RAPGEF6: variants seen among roughly 807,000 people sequenced by gnomAD.
RAPGEF6 encodes PDZ domain containing guanine nucleotide exchange factor (GEF) 2.
A neutral mutation model predicts 171.4 loss-of-function variants in RAPGEF6; 56 were observed. That is an observed-to-expected ratio of 0.33 (90% CI 0.26 to 0.41). The LOEUF (loss-of-function observed/expected upper bound fraction) is 0.41, where lower values mean the gene tolerates loss of function less well. Among genes scored for constraint, RAPGEF6 ranks in the 10% least tolerant of loss-of-function variants. RAPGEF6 has a pLI of 1.00. For missense variants in RAPGEF6, 1,674 were observed against 1,921.4 expected, an observed-to-expected ratio of 0.87 and a Z score of 2.41; for synonymous variants, 692 against 650.1, an observed-to-expected ratio of 1.06 and a Z score of -0.98.
intron 4 of RAPGEF6, among the ~76,000 whole-genome samples, chr5:131,583,374 C>T (rs1035848870): frequency 6.6e-6 from 1 of 152,096 alleles, no homozygotes; most frequent in African/African-American, 2.4e-5. Flanking sequence ...CAATAAGATG[C>T]CAAATTATAA....
chr5:131,582,612 T>C (rs1763030001), intron 4 of RAPGEF6, among the ~76,000 whole-genome samples: 1 of 152,214 alleles, frequency 6.6e-6, no homozygotes. Flanking sequence ...ACATCAAAAT[T>C]AAGTACTTCT....
rs528562379 is a variant in RAPGEF6 at position 131,602,417 on chromosome 5, G to C, written c.197+854C>G. Among the ~76,000 whole-genome samples, 9 of 152,116 alleles carry C rather than the reference G, an allele frequency of 5.9e-5. No homozygotes were observed. The East Asian group carries it at 1.7e-3, about 29-fold the overall frequency. On this transcript the variant is annotated intron_variant, in intron 3 of 27. Transcript: ENST00000509018. The stretch of plus-strand genomic sequence containing the variant: ...TCCTCAACAGGAGTAAGCAATAAGG[G>C]CACAAAAATAACAGAATGTTAATAG...
chr5:131,623,589 G>C (rs1291069645), intron 1 of RAPGEF6, among the ~76,000 whole-genome samples: 1 of 149,932 alleles, frequency 6.7e-6, no homozygotes, highest in African/African-American at 2.5e-5. Context: ...GGGTTCAAGC[G>C]ACTCTTCTGC....
intron 13 of RAPGEF6, 39 bp from the exon 14 acceptor site, chr5:131,492,824 T>C (rs757247445): frequency 2.6e-6 from 4 of 1,549,520 alleles, no homozygotes; most frequent in Non-Finnish European, 3.6e-6. Context: ...TAAATGTATC[T>C]ATTCCTATAG....
intron 6 of RAPGEF6, among the ~76,000 whole-genome samples, chr5:131,524,573 AGGAGAGAGAG>A (rs1381000827): frequency 7.2e-6 from 1 of 138,836 alleles, no homozygotes; most frequent in Non-Finnish European, 1.5e-5. Context: ...GAGGGAGAGG[AGGAGAGAGAG>A]GGAGAGGGAG....
intron 23 of RAPGEF6, among the ~76,000 whole-genome samples, chr5:131,440,456 G>A (rs2149812400): frequency 6.6e-6 from 1 of 152,172 alleles, no homozygotes; most frequent in South Asian, 2.1e-4. Context: ...TAAAGTAAGT[G>A]GCCAGGTATG....
chr5:131,600,211 T>C (rs1419044015), intron 3 of RAPGEF6, among the ~76,000 whole-genome samples: 1 of 152,200 alleles, frequency 6.6e-6, no homozygotes, highest in African/African-American at 2.4e-5. Context: ...TTCTTTCTCA[T>C]AAATGTTAAT....
At chr5:131,483,404 A>C (rs2149861654) in intron 15 of RAPGEF6, among the ~76,000 whole-genome samples, 1 of 152,132 alleles carries the variant, frequency 6.6e-6, no homozygotes, top group East Asian at 1.9e-4. Flanking sequence ...TGTAATTATA[A>C]GCAAAAATTT....
chr5:131,510,884 C>G (rs1009948051), intron 7 of RAPGEF6, among the ~76,000 whole-genome samples: 6 of 152,132 alleles, frequency 3.9e-5, no homozygotes, highest in African/African-American at 1.4e-4. Flanking sequence ...TTAGTCTATG[C>G]TGGGTATTGT....
chr5:131,499,581 CAAAAAAAAAAAA>C (rs375534138), intron 11 of RAPGEF6, among the ~76,000 whole-genome samples: 1 of 87,548 alleles, frequency 1.1e-5, no homozygotes, highest in Non-Finnish European at 2.1e-5. Flanking sequence ...GACTTTGTCT[CAAAAAAAAAAAA>C]AAAAAAAAAA....
In RAPGEF6 at chr5:131,604,644, T is replaced by C. The variant is rs1057137184; in HGVS notation, c.119A>G (p.Asn40Ser). Residue 40 changes from asparagine to serine, a missense_variant, in exon 2 of 28, where the codon AAT (asparagine) becomes AGT (serine). Asn to Ser is a conservative substitution (Grantham distance 46, BLOSUM62 1). Transcript: ENST00000509018. ...SYLHGMEILS[N>S]LREHQLRLMS... Reference sequence around the variant, plus strand: ...TTACCTAAGCTGATGTTCCCTGAGATTTGATAATATTTCCATTCCATGAAG... The same window carrying C: ...TTACCTAAGCTGATGTTCCCTGAGACTTGATAATATTTCCATTCCATGAAG... 6.2e-7 allele frequency: 1 copy of C among 1,612,222 alleles called. No individual in the cohort carries two copies. The highest frequency in any genetic ancestry group is 1.3e-5 in the African/African-American group (1 of 74,846).
intron 5 of RAPGEF6, 76 bp downstream of exon 5, chr5:131,561,902 G>A: frequency 9.3e-7 from 1 of 1,076,708 alleles, no homozygotes. Context: ...ACCTCCTTAA[G>A]TGTTTAAAGC....
intron 18 of RAPGEF6, among the ~76,000 whole-genome samples, chr5:131,463,407 C>T (rs1365538960): frequency 4.6e-5 from 7 of 152,014 alleles, no homozygotes; most frequent in African/African-American, 9.6e-5. Context: ...GGTGAAACCT[C>T]GTCTCTACTA....
intron 3 of RAPGEF6, among the ~76,000 whole-genome samples, chr5:131,595,247 G>A (rs1422758997): frequency 6.6e-6 from 1 of 151,798 alleles, no homozygotes; most frequent in African/African-American, 2.4e-5. Context: ...AGATCTGATG[G>A]TTTAAGTGTG....
chr5:131,440,213 G>A, intron 23 of RAPGEF6: 1 of 456,364 alleles, frequency 2.2e-6, no homozygotes, highest in Non-Finnish European at 4.4e-6. Flanking sequence ...CCCTTTTCAA[G>A]AGCACTAAAT....
intron 18 of RAPGEF6, chr5:131,463,662 T>A (rs528263431): frequency 4.9e-6 from 4 of 811,144 alleles, no homozygotes; most frequent in Middle Eastern, 6.3e-4. Context: ...GAACACATTT[T>A]AAAATTTTTA....
chr5:131,517,108 G>A (rs575059575), intron 7 of RAPGEF6, among the ~76,000 whole-genome samples: 21 of 152,228 alleles, frequency 1.4e-4, no homozygotes, highest in African/African-American at 4.8e-4. Context: ...CCAGACACTG[G>A]GGTCTATTAG....
At chr5:131,516,393 T>G (rs2149902312) in intron 7 of RAPGEF6, among the ~76,000 whole-genome samples, 1 of 152,286 alleles carries the variant, frequency 6.6e-6, no homozygotes, top group Admixed American at 6.5e-5. Flanking sequence ...GAACATGTGG[T>G]GACTTGAGTT....
chr5:131,492,937 C>A (rs1580911803), intron 13 of RAPGEF6, 152 bp from the exon 14 acceptor site: 1 of 657,338 alleles, frequency 1.5e-6, no homozygotes, highest in East Asian at 2.7e-5. Context: ...CACGCCAAAG[C>A]ACTCTCAACA....
Sources: gnomAD v4.1 joint callset for allele counts (sites outside exome capture counted in the v4.1 genomes callset) on GRCh38, gnomAD v4.1.1 for gene constraint, MANE v1.5 for transcripts, NCBI Gene and HGNC (gene_info 2026-07-23, HGNC 2026-07-21) for gene names.